CCSER1: variants seen among roughly 807,000 people sequenced by gnomAD.
CCSER1 encodes serine-rich coiled-coil domain-containing protein 1.
In CCSER1, 41 loss-of-function variants were observed where a neutral mutation model predicts 82.0. The ratio of observed to expected loss-of-function variants is 0.50; its 90% CI spans 0.39 to 0.65. The LOEUF (loss-of-function observed/expected upper bound fraction) is 0.65, where lower values mean the gene tolerates loss of function less well. CCSER1 is among the 30% of genes least tolerant of loss of function. The pLI, the probability that CCSER1 is intolerant of heterozygous loss-of-function variation, is 0.00. For missense variants in CCSER1, 1,119 were observed against 1,064.2 expected, an observed-to-expected ratio of 1.05 and a Z score of -0.72; for synonymous variants, 414 against 383.9, an observed-to-expected ratio of 1.08 and a Z score of -0.92.
chr4:90,877,726 A>G (rs994488043), intron 8 of CCSER1, among the ~76,000 whole-genome samples: 17 of 151,960 alleles, frequency 1.1e-4, no homozygotes, highest in African/African-American at 4.1e-4. Context: ...AAAAAAAAAA[A>G]CAGAAGTAAA....
intron 10 of CCSER1, among the ~76,000 whole-genome samples, 159 bp from the exon 11 acceptor site, chr4:91,598,413 C>T (rs562209982): frequency 1.8e-4 from 27 of 151,980 alleles, no homozygotes; most frequent in African/African-American, 5.8e-4. Context: ...AGTATTGCAC[C>T]GGAAAATTTA....
intron 6 of CCSER1, among the ~76,000 whole-genome samples, chr4:90,660,697 C>A (rs1730614359): frequency 6.6e-6 from 1 of 152,010 alleles, no homozygotes; most frequent in African/African-American, 2.4e-5. Flanking sequence ...TTATTGCTAA[C>A]CTTTTTCTAA....
chr4:90,883,319 C>A (rs1254550672), intron 8 of CCSER1, among the ~76,000 whole-genome samples: 1 of 151,940 alleles, frequency 6.6e-6, no homozygotes, highest in Non-Finnish European at 1.5e-5. Context: ...AAATGGCCCA[C>A]AAAACTTTGT....
In CCSER1 at chr4:91,603,554, A is replaced by G. The variant is rs1764884470; in HGVS notation, c.*4497A>G. On this transcript the variant is annotated 3_prime_UTR_variant, in exon 11 of 11. Transcript: ENST00000509176. ...CTTCCATTTGAGTAAGTGATCTAGA[A>G]TATGGGATACCACGGTTCTTTTTAG... 1 of 152,150 alleles carries G rather than the reference A, an allele frequency of 6.6e-6. No individual in the cohort carries two copies. The allele number at this position is 152,150 out of a possible 1,614,324, so 9.4% of individuals were successfully genotyped here. A position where few individuals can be genotyped will look rare whatever the true frequency, so the allele number is the denominator to read the frequency against.
intron 10 of CCSER1, among the ~76,000 whole-genome samples, chr4:91,512,120 G>A (rs979520207): frequency 2.0e-5 from 3 of 152,134 alleles, no homozygotes; most frequent in East Asian, 3.9e-4. Context: ...TGTGATGGTT[G>A]ATACTGTCAA....
intron 10 of CCSER1, among the ~76,000 whole-genome samples, chr4:91,565,200 A>G (rs1762832696): frequency 6.6e-6 from 1 of 151,934 alleles, no homozygotes; most frequent in African/African-American, 2.4e-5. Context: ...GTTGAAGATC[A>G]GATGGTTGCC....
intron 8 of CCSER1, among the ~76,000 whole-genome samples, chr4:90,922,705 A>C (rs548693807): frequency 5.6e-4 from 85 of 152,138 alleles, no homozygotes; most frequent in Non-Finnish European, 9.4e-4. Context: ...ACATTACATA[A>C]TAATTAAACT....
At chr4:91,482,791 G>A (rs1458460460) in intron 10 of CCSER1, among the ~76,000 whole-genome samples, 1 of 152,166 alleles carries the variant, frequency 6.6e-6, no homozygotes, top group African/African-American at 2.4e-5. Flanking sequence ...CATATCCTTT[G>A]TAGGGACATG....
chr4:90,368,141 A>G (rs1483267141), intron 3 of CCSER1, among the ~76,000 whole-genome samples: 4 of 151,934 alleles, frequency 2.6e-5, no homozygotes, highest in Admixed American at 2.0e-4. Context: ...AAATTAACAG[A>G]TAGGAAGTTC....
intron 3 of CCSER1, among the ~76,000 whole-genome samples, chr4:90,320,142 G>T (rs1428131611): frequency 6.6e-6 from 1 of 152,174 alleles, no homozygotes; most frequent in African/African-American, 2.4e-5. Flanking sequence ...TCGTTTAAAT[G>T]GAAGGAGCTG....
At chr4:90,605,147 AC>A (rs1320886096) in intron 5 of CCSER1, among the ~76,000 whole-genome samples, 1 of 152,006 alleles carries the variant, frequency 6.6e-6, no homozygotes, top group African/African-American at 2.4e-5. Context: ...TAGACCACGA[AC>A]CCCCCAGAAG....
At chr4:90,230,566 A>T (rs896240725) in intron 1 of CCSER1, among the ~76,000 whole-genome samples, 18 of 152,092 alleles carry the variant, frequency 1.2e-4, no homozygotes, top group African/African-American at 4.3e-4. Context: ...AAAGAACCAG[A>T]AAAGCAAGAG....
chr4:91,387,409 G>A (rs1371258476), intron 10 of CCSER1, among the ~76,000 whole-genome samples: 2 of 151,680 alleles, frequency 1.3e-5, no homozygotes, highest in African/African-American at 2.4e-5. Flanking sequence ...TCTTAATAAG[G>A]AGACAATTTA....
chr4:91,168,482 C>A (rs1732400072), intron 10 of CCSER1, among the ~76,000 whole-genome samples: 2 of 146,850 alleles, frequency 1.4e-5, no homozygotes, highest in Non-Finnish European at 3.0e-5. Flanking sequence ...AGCAGCCGCC[C>A]CGTCTGGGAA....
intron 3 of CCSER1, among the ~76,000 whole-genome samples, chr4:90,345,651 C>G (rs940150160): frequency 2.0e-5 from 3 of 151,900 alleles, no homozygotes; most frequent in Admixed American, 6.6e-5. Flanking sequence ...TTAACAAAAA[C>G]GTTTATTGAA....
At chr4:91,549,815 A>G (rs917120202) in intron 10 of CCSER1, among the ~76,000 whole-genome samples, 3 of 152,030 alleles carry the variant, frequency 2.0e-5, no homozygotes, top group African/African-American at 4.8e-5. Flanking sequence ...AACCTGGGCA[A>G]CAGAGCCAGA....
At chr4:91,552,319 T>C (rs975158975) in intron 10 of CCSER1, among the ~76,000 whole-genome samples, 2 of 151,814 alleles carry the variant, frequency 1.3e-5, no homozygotes, top group African/African-American at 4.9e-5. Context: ...TTAGCAAGTA[T>C]TTCCAAACAT....
chr4:91,274,890 G>C (rs1163122112), intron 10 of CCSER1, among the ~76,000 whole-genome samples: 1 of 151,980 alleles, frequency 6.6e-6, no homozygotes, highest in Non-Finnish European at 1.5e-5. Flanking sequence ...CGGATCACGA[G>C]GTCAGGAGAT....
intron 5 of CCSER1, among the ~76,000 whole-genome samples, chr4:90,536,152 C>T (rs1430307244): frequency 6.6e-6 from 1 of 151,154 alleles, no homozygotes; most frequent in African/African-American, 2.4e-5. Flanking sequence ...CCTGCCTCAG[C>T]CTCCAGAGTA....
Sources: allele counts gnomAD v4.1 joint callset (sites outside exome capture counted in the v4.1 genomes callset), GRCh38; gene constraint gnomAD v4.1.1; transcripts MANE v1.5; gene names NCBI Gene and HGNC (gene_info 2026-07-23, HGNC 2026-07-21).